Variants in DNAH17 observed in about 807,000 individuals in gnomAD.
The protein encoded by DNAH17 is axonemal beta dynein heavy chain 17.
A neutral mutation model predicts 485.6 loss-of-function variants in DNAH17; 376 were observed. The ratio of observed to expected loss-of-function variants is 0.77; its 90% CI spans 0.71 to 0.84. The LOEUF (loss-of-function observed/expected upper bound fraction) is 0.84, where lower values mean the gene tolerates loss of function less well. DNAH17 is among the 40% of genes least tolerant of loss of function. The pLI, the probability that DNAH17 is intolerant of heterozygous loss-of-function variation, is 0.00. For synonymous variants in DNAH17, 3,031 were observed against 2,405.9 expected (o/e 1.26, Z -7.60); for missense variants, 6,370 against 5,839.3 (o/e 1.09, Z -2.96).
At position 78,525,001 on chromosome 17, in the gene DNAH17, G is replaced by A; in HGVS notation, c.3864+8C>T. On this transcript the variant is annotated splice_region_variant and intron_variant, in intron 25 of 80. Transcript: ENST00000389840. ...GGGCCCCACCCACGCGGCGTGCCCTGCACTCACCACAACAACCATGTCCCA... is the reference window on the plus strand; with the variant it reads ...GGGCCCCACCCACGCGGCGTGCCCTACACTCACCACAACAACCATGTCCCA... The A allele has an allele frequency of 1.2e-6, 2 of 1,610,666 alleles. No homozygotes were observed. The highest frequency in any genetic ancestry group is 8.5e-7 in the Non-Finnish European group (1 of 1,177,694).
chr17:78,462,213 G>C (rs2088164720), intron 57 of DNAH17, among the ~76,000 whole-genome samples: 2 of 146,810 alleles, frequency 1.4e-5, no homozygotes, highest in South Asian at 4.4e-4. Context: ...GCTGGCCAGG[G>C]CCCCTCCAGG....
Position 78,460,168 on chromosome 17 carries a change from CAG to C in DNAH17, c.9427_9428del (p.Leu3143GlufsTer2). On this transcript the variant is annotated frameshift_variant, in exon 59 of 81. Coordinates refer to ENST00000389840, the MANE Select transcript of DNAH17 (RefSeq NM_173628.4). LOFTEE classifies it high-confidence loss of function. ...LLAAQEALDT[L>X]NKNNLTELKS... ...TCTTTCCCTCCCCCTTTACCTTATT[CAG>C]AGTGTCCAGAGCCTCCTGGGCTGCC... The C allele has an allele frequency of 6.2e-7, 1 of 1,605,732 alleles. No homozygotes were observed. Among genetic ancestry groups the C allele is most frequent in the East Asian group, 2.2e-5 (1 of 44,758 alleles).
chr17:78,545,372 G>A (rs866374957), intron 16 of DNAH17, among the ~76,000 whole-genome samples: 1 of 152,114 alleles, frequency 6.6e-6, no homozygotes, highest in African/African-American at 2.4e-5. Flanking sequence ...TATACTAGGG[G>A]GCTTAAGCAA....
At chr17:78,458,520 A>G in intron 62 of DNAH17, 45 bp downstream of exon 62, 6 of 1,532,246 alleles carry the variant, frequency 3.9e-6, no homozygotes, top group Non-Finnish European at 5.4e-6. Flanking sequence ...TGTCCCTTTC[A>G]GGGGGTCTGA....
At chr17:78,555,335 C>T (rs1177578970) in intron 14 of DNAH17, among the ~76,000 whole-genome samples, 2 of 152,060 alleles carry the variant, frequency 1.3e-5, no homozygotes, top group African/African-American at 2.4e-5. Context: ...TCTCAGAACA[C>T]ACCTCTTTAG....
At chr17:78,449,634 TCACCACTCCCCGC>T (rs767992446) in intron 68 of DNAH17, 50 bp from the exon 69 acceptor site, 20 of 1,533,972 alleles carry the variant, frequency 1.3e-5, no homozygotes, top group Non-Finnish European at 1.7e-5. Flanking sequence ...ATGGAGCCCT[TCACCACTCCCCGC>T]CACCACTCCC....
intron 36 of DNAH17, chr17:78,499,786 C>T (rs2090206654): frequency 6.5e-6 from 1 of 153,622 alleles, no homozygotes; most frequent in African/African-American, 2.4e-5. Context: ...GTCCAAAACT[C>T]AGGGTTCCAT....
chr17:78,444,962 T>A (rs1436552486), intron 70 of DNAH17, among the ~76,000 whole-genome samples, 165 bp from the exon 71 acceptor site: 1 of 152,022 alleles, frequency 6.6e-6, no homozygotes, highest in African/African-American at 2.4e-5. Flanking sequence ...GAGCTGTCCA[T>A]GCCCAGCTCA....
At chr17:78,460,321 CGTGCATGTGTGTGCATGTGT>C (rs71160298) in intron 58 of DNAH17, 64 bp from the exon 59 acceptor site, 28 of 872,436 alleles carry the variant, frequency 3.2e-5, no homozygotes, top group African/African-American at 1.1e-4. Context: ...GGGGCGTGTA[CGTGCATGTGTGTGCATGTGT>C]GTGCATGTGT....
chr17:78,461,622 G>C lies in DNAH17; in HGVS notation c.9261C>G (p.Val3087=). 3 of 1,610,282 alleles carry C rather than the reference G, an allele frequency of 1.9e-6. No individual in the cohort carries two copies. Among genetic ancestry groups the C allele is most frequent in the Non-Finnish European group, 1.7e-6 (2 of 1,178,716 alleles). The change falls in exon 58 of 81, where the codon GTC becomes GTG. Residue 3087 remains valine, a synonymous_variant. Transcript: ENST00000389840. ...NESADQLIQV[V]GIEAEKVSKE... ...TGCTGACCTTCTCGGCCTCGATGCC[G>C]ACCACCTGGATCAGTTGGTCTGCGC...
At chr17:78,479,436 G>A in intron 50 of DNAH17, 49 bp downstream of exon 50, 2 of 1,547,100 alleles carry the variant, frequency 1.3e-6, no homozygotes, top group South Asian at 1.2e-5. Context: ...TCAGCCCACA[G>A]AGCCATAGGT....
Position 78,552,757 on chromosome 17 carries a change from G to A in DNAH17, c.2227C>T (p.Leu743=). The change falls in exon 15 of 81, where the codon CTG becomes TTG. Residue 743 remains leucine, a synonymous_variant. Transcript: ENST00000389840. ...AVEFLLIKSE[L]EAIDVKLLSA... is the part of the protein sequence containing the mutation. ...AATAACTTGACATCAATTGCTTCCA[G>A]TTCTGACTTTATTAGTAGAAATTCT... 6 of 1,613,900 alleles carry A rather than the reference G, an allele frequency of 3.7e-6. No homozygotes were observed. The African/African-American group carries it at 4.0e-5, about 11-fold the overall frequency.
intron 75 of DNAH17, among the ~76,000 whole-genome samples, chr17:78,429,821 C>T (rs1598436011): frequency 6.6e-6 from 1 of 152,214 alleles, no homozygotes; most frequent in East Asian, 1.9e-4. Flanking sequence ...TCTTCAGATG[C>T]ATCTGGTGAG....
intron 72 of DNAH17, 86 bp from the exon 73 acceptor site, chr17:78,439,303 A>C: frequency 1.1e-5 from 15 of 1,426,922 alleles, no homozygotes; most frequent in African/African-American, 1.4e-5. Flanking sequence ...GGAATTCCAC[A>C]TGCCTCCCTC....
chr17:78,556,036 T>C (rs2092014174), intron 14 of DNAH17, among the ~76,000 whole-genome samples: 1 of 152,230 alleles, frequency 6.6e-6, no homozygotes, highest in Admixed American at 6.5e-5. Flanking sequence ...CCTCTGTAAT[T>C]GCGTGAGGCA....
Position 78,428,621 on chromosome 17 carries a change from C to T in DNAH17, c.12492G>A (p.Leu4164=). 6.2e-7 allele frequency: 1 copy of T among 1,613,988 alleles called. No individual in the cohort carries two copies. Among genetic ancestry groups the T allele is most frequent in the Non-Finnish European group, 8.5e-7 (1 of 1,179,904 alleles). ...GLHPNAEIGF[L]TVTSEKLFRT... ...GGAACAGCTTCTCTGAGGTGACCGT[C>T]AGAAAGCCAATCTCTGCGTTGGGGT... The change falls in exon 77 of 81, where the codon CTG becomes CTA. Residue 4164 remains leucine, a synonymous_variant. Transcript: ENST00000389840.
intron 75 of DNAH17, among the ~76,000 whole-genome samples, chr17:78,431,035 T>G (rs1376922516): frequency 6.7e-6 from 1 of 148,370 alleles, no homozygotes; most frequent in Non-Finnish European, 1.5e-5. Flanking sequence ...CACACCACCA[T>G]GCCAGACTAA....
chr17:78,499,159 G>C (rs1396199392), intron 36 of DNAH17, 47 bp from the exon 37 acceptor site: 10 of 1,380,016 alleles, frequency 7.2e-6, no homozygotes, highest in Non-Finnish European at 7.8e-6. Context: ...GGGTGACAGG[G>C]AGGGCGGGCG....
intron 19 of DNAH17, among the ~76,000 whole-genome samples, chr17:78,536,790 G>T (rs1568214252): frequency 6.6e-6 from 1 of 152,118 alleles, no homozygotes; most frequent in Non-Finnish European, 1.5e-5. Context: ...CAGGCAGGTT[G>T]ACTGAGAAGA....
Sources: allele counts gnomAD v4.1 joint callset (sites outside exome capture counted in the v4.1 genomes callset), GRCh38; gene constraint gnomAD v4.1.1; transcripts MANE v1.5; gene names NCBI Gene and HGNC (gene_info 2026-07-23, HGNC 2026-07-21).